The following SNX24 variants were observed in gnomAD, a reference collection of about 807,000 sequenced individuals.
The protein encoded by SNX24 is sorting nexin 24.
Under a neutral mutation model 28.7 loss-of-function variants are expected in SNX24, and 22 were observed. The ratio of observed to expected loss-of-function variants is 0.77; its 90% CI spans 0.55 to 1.10. The LOEUF is 1.10. SNX24 is among the 50% of genes least tolerant of loss of function. The pLI, the probability that SNX24 is intolerant of heterozygous loss-of-function variation, is 0.00. For synonymous variants in SNX24, 69 were observed against 71.5 expected, an observed-to-expected ratio of 0.96 and a Z score of 0.18; for missense variants, 221 against 201.1, an observed-to-expected ratio of 1.10 and a Z score of -0.60.
At chr5:122,970,776 C>G (rs1760926756) in intron 3 of SNX24, among the ~76,000 whole-genome samples, 2 of 152,164 alleles carry the variant, frequency 1.3e-5, no homozygotes, top group African/African-American at 4.8e-5. Context: ...CCATATTCTG[C>G]ACAAATCTTA....
At chr5:122,871,130 A>C (rs930335601) in intron 1 of SNX24, among the ~76,000 whole-genome samples, 2 of 152,158 alleles carry the variant, frequency 1.3e-5, no homozygotes, top group African/African-American at 2.4e-5. Context: ...GGAGTTTATT[A>C]AGGTAGATTA....
intron 5 of SNX24, chr5:123,028,918 A>T (rs902875438): frequency 1.4e-6 from 2 of 1,424,784 alleles, no homozygotes; most frequent in African/African-American, 2.8e-5. Flanking sequence ...CCATACTGAA[A>T]GATAAACTCA....
chr5:122,968,696 G>A (rs1760820207), intron 3 of SNX24, among the ~76,000 whole-genome samples: 1 of 152,188 alleles, frequency 6.6e-6, no homozygotes, highest in East Asian at 1.9e-4. Flanking sequence ...ACAAGCAACA[G>A]CAATCACTGT....
chr5:123,009,457 A>G (rs942522078), downstream of SNX24, among the ~76,000 whole-genome samples: 3 of 152,270 alleles, frequency 2.0e-5, no homozygotes, highest in Admixed American at 6.5e-5. Flanking sequence ...ATAGTGGTAC[A>G]CTGCCCAAGA....
intron 1 of SNX24, among the ~76,000 whole-genome samples, chr5:122,935,647 ATACT>A (rs751030304): frequency 6.6e-6 from 1 of 152,228 alleles, no homozygotes; most frequent in African/African-American, 2.4e-5. Flanking sequence ...TAAAATAGTC[ATACT>A]TACATGTAAG....
intron 1 of SNX24, among the ~76,000 whole-genome samples, chr5:122,874,017 G>A (rs555838703): frequency 3.3e-5 from 5 of 152,152 alleles, no homozygotes; most frequent in Middle Eastern, 3.4e-3. Context: ...TGATCCACCC[G>A]CCCTGGCCTC....
chr5:122,855,815 G>A (rs1012563679), intron 1 of SNX24, among the ~76,000 whole-genome samples: 2 of 152,104 alleles, frequency 1.3e-5, no homozygotes, highest in Non-Finnish European at 2.9e-5. Context: ...TTATCATGAG[G>A]AGTCCATTGT....
intron 1 of SNX24, among the ~76,000 whole-genome samples, chr5:122,930,688 GA>G (rs1758913151): frequency 6.6e-6 from 1 of 152,000 alleles, no homozygotes; most frequent in Admixed American, 6.6e-5. Flanking sequence ...TTTCATCAGG[GA>G]TTCTTCTCAT....
chr5:123,014,065 G>A (rs1017019720), downstream of SNX24, among the ~76,000 whole-genome samples: 2 of 152,172 alleles, frequency 1.3e-5, no homozygotes, highest in Admixed American at 6.5e-5. Flanking sequence ...CCAATTTAAA[G>A]TGATTAAAAG....
chr5:122,875,503 C>A (rs1210054731), intron 1 of SNX24, among the ~76,000 whole-genome samples: 2 of 152,204 alleles, frequency 1.3e-5, no homozygotes, highest in African/African-American at 4.8e-5. Flanking sequence ...TGGGTTCTCA[C>A]CTTAACTTGC....
At chr5:122,890,386 A>G (rs1240431587) in intron 1 of SNX24, among the ~76,000 whole-genome samples, 2 of 151,600 alleles carry the variant, frequency 1.3e-5, no homozygotes, top group South Asian at 2.1e-4. Flanking sequence ...TTTTTGCCTA[A>G]GTTTTTACTC....
At chr5:122,988,286 A>G (rs1337080495) in intron 3 of SNX24, among the ~76,000 whole-genome samples, 1 of 152,240 alleles carries the variant, frequency 6.6e-6, no homozygotes, top group African/African-American at 2.4e-5. Flanking sequence ...AGGGATAACC[A>G]TAGGCAGGGA....
chr5:122,990,700 C>G (rs1761806878), intron 3 of SNX24, among the ~76,000 whole-genome samples: 1 of 152,190 alleles, frequency 6.6e-6, no homozygotes, highest in Admixed American at 6.5e-5. Flanking sequence ...GTTCTGATTA[C>G]TGTTTCTTCT....
intron 3 of SNX24, among the ~76,000 whole-genome samples, chr5:122,976,194 C>CT (rs1207634672): frequency 1.3e-5 from 2 of 150,362 alleles, no homozygotes; most frequent in South Asian, 4.2e-4. Flanking sequence ...TCCAGAGACA[C>CT]TTTTTTTTAA....
intron 5 of SNX24, among the ~76,000 whole-genome samples, chr5:123,019,999 T>C (rs1762739865): frequency 6.6e-6 from 1 of 152,188 alleles, no homozygotes; most frequent in South Asian, 2.1e-4. Context: ...CACTAGTGGG[T>C]TCAGAATTTC....
chr5:122,861,346 C>T (rs1411074058), intron 1 of SNX24, among the ~76,000 whole-genome samples: 2 of 152,024 alleles, frequency 1.3e-5, no homozygotes, highest in Non-Finnish European at 2.9e-5. Context: ...TCCACCACCC[C>T]TCCCAAAAAA....
chr5:122,859,433 C>G (rs1394542344), intron 1 of SNX24, among the ~76,000 whole-genome samples: 1 of 152,068 alleles, frequency 6.6e-6, no homozygotes, highest in African/African-American at 2.4e-5. Context: ...AGTGAGAACT[C>G]ACCGTACAAA....
intron 1 of SNX24, among the ~76,000 whole-genome samples, chr5:122,884,456 A>C (rs938315153): frequency 6.6e-6 from 1 of 151,774 alleles, no homozygotes. Context: ...CATGCTGGCC[A>C]GGCTGGAGGC....
At chr5:122,849,447 C>G (rs142060510) in intron 1 of SNX24, among the ~76,000 whole-genome samples, 1 of 152,102 alleles carries the variant, frequency 6.6e-6, no homozygotes, top group African/African-American at 2.4e-5. Flanking sequence ...TCAGTTTGGC[C>G]TGGCAGGGTG....
Sources: gnomAD v4.1 joint callset for allele counts (sites outside exome capture counted in the v4.1 genomes callset) on GRCh38, gnomAD v4.1.1 for gene constraint, MANE v1.5 for transcripts, NCBI Gene and HGNC (gene_info 2026-07-23, HGNC 2026-07-21) for gene names.